ADNP: variants seen among roughly 807,000 people sequenced by gnomAD.
ADNP encodes activity dependent neuroprotector homeobox, also known as activity-dependent neuroprotector homeobox protein.
ADNP carries 4 observed loss-of-function variants against 84.9 expected under a neutral mutation model. The ratio of observed to expected loss-of-function variants is 0.05; its 90% CI spans 0.02 to 0.11. The LOEUF (loss-of-function observed/expected upper bound fraction) is 0.11. Ranked by LOEUF, ADNP falls within the 10% of genes least tolerant of loss-of-function variation. The pLI is 1.00. For synonymous variants in ADNP, 554 were observed against 468.1 expected (o/e 1.18, Z -2.37); for missense variants, 1,132 against 1,326.0 (o/e 0.85, Z 2.27).
chr20:50,909,835 CG>C (rs762601474), intron 2 of ADNP: 6 of 152,170 alleles, frequency 3.9e-5, no homozygotes, highest in Non-Finnish European at 8.8e-5. Flanking sequence ...ACATGTCCCC[CG>C]AACAGGGATG....
At position 50,926,192 on chromosome 20, in the gene ADNP, T is replaced by C. The variant is rs542346587; in HGVS notation, c.-90+2459A>G. Reference sequence around the variant, plus strand: ...AAGTCAAGCTCTGTGAATCCAACTATAATTAAATTATTTACACATAGGGGA... The same window carrying C: ...AAGTCAAGCTCTGTGAATCCAACTACAATTAAATTATTTACACATAGGGGA... On this transcript the variant is annotated intron_variant, in intron 2 of 5. Coordinates refer to ENST00000621696, the MANE Select transcript of ADNP (RefSeq NM_001282531.3). Among the ~76,000 whole-genome samples, 5 of 152,362 alleles carry C rather than the reference T, an allele frequency of 3.3e-5. No homozygotes were observed. In the East Asian group the frequency reaches 5.8e-4, roughly 18 times the overall value.
At chr20:50,897,066 T>C (rs1190876006) in intron 5 of ADNP, among the ~76,000 whole-genome samples, 1 of 152,150 alleles carries the variant, frequency 6.6e-6, no homozygotes, top group East Asian at 1.9e-4. Context: ...CTCAGCCTCG[T>C]GGCTGGGATT....
chr20:50,915,339 C>A (rs1023472752), intron 2 of ADNP, among the ~76,000 whole-genome samples: 2 of 152,164 alleles, frequency 1.3e-5, no homozygotes, highest in Non-Finnish European at 1.5e-5. Flanking sequence ...AAGTAGTGAA[C>A]ATACTTTATT....
chr20:50,899,943 G>A (rs1220833645), intron 5 of ADNP, among the ~76,000 whole-genome samples: 4 of 150,654 alleles, frequency 2.7e-5, no homozygotes, highest in Non-Finnish European at 4.4e-5. Context: ...CCGCAGTGTG[G>A]AAGGGGACCC....
At chr20:50,900,330 G>T (rs1168059079) in intron 5 of ADNP, among the ~76,000 whole-genome samples, 1 of 152,172 alleles carries the variant, frequency 6.6e-6, no homozygotes, top group East Asian at 1.9e-4. Context: ...TAGCGTAGGG[G>T]TAATAGGAGG....
At chr20:50,925,291 CT>C (rs1278781988) in intron 2 of ADNP, among the ~76,000 whole-genome samples, 2 of 150,114 alleles carry the variant, frequency 1.3e-5, no homozygotes, top group African/African-American at 5.0e-5. Flanking sequence ...CACACACACA[CT>C]ACATAATCAA....
At chr20:50,912,973 T>C (rs1983181199) in intron 2 of ADNP, among the ~76,000 whole-genome samples, 1 of 151,956 alleles carries the variant, frequency 6.6e-6, no homozygotes, top group Non-Finnish European at 1.5e-5. Context: ...GCTGTCAGGA[T>C]GGGCGCCATG....
chr20:50,891,040 G>T lies in ADNP; in HGVS notation c.*365C>A. The T allele has an allele frequency of 9.6e-7, 1 of 1,045,320 alleles. No homozygotes were observed. The highest frequency in any genetic ancestry group is 1.2e-6 in the Non-Finnish European group (1 of 869,474). 64.8% of individuals were successfully genotyped at this position (1,045,320 alleles called of 1,614,324 possible). A position where few individuals can be genotyped will look rare whatever the true frequency, so the allele number is the denominator to read the frequency against. ...CATTAGACTGGTAGCTTGTATGTTG[G>T]CCCTACACTACCATGTGAATTAGTT... On this transcript the variant is annotated 3_prime_UTR_variant, in exon 6 of 6. Coordinates refer to ENST00000621696, the MANE Select transcript of ADNP (RefSeq NM_001282531.3).
chr20:50,929,679 G>A (rs1426391631), intron 1 of ADNP, among the ~76,000 whole-genome samples: 2 of 152,016 alleles, frequency 1.3e-5, no homozygotes, highest in Non-Finnish European at 2.9e-5. Context: ...AAGCAACAAT[G>A]CAGATTTCTA....
chr20:50,905,344 G>C (rs1365837317), intron 2 of ADNP: 1 of 152,060 alleles, frequency 6.6e-6, no homozygotes, highest in Non-Finnish European at 1.5e-5. Flanking sequence ...CAAAGCACCA[G>C]GAATTAAAAT....
chr20:50,929,023 A>G (rs1479645171), intron 1 of ADNP, among the ~76,000 whole-genome samples, 198 bp from the exon 2 acceptor site: 2 of 152,250 alleles, frequency 1.3e-5, no homozygotes, highest in South Asian at 2.1e-4. Context: ...AGAACCCAAC[A>G]TGGGCTTGAT....
chr20:50,904,405 A>G (rs182981145), intron 3 of ADNP: 3 of 167,556 alleles, frequency 1.8e-5, no homozygotes, highest in East Asian at 3.4e-4. Flanking sequence ...TTTTGTAGAG[A>G]CTAGGTCTCA....
chr20:50,915,936 A>G (rs1209242768), intron 2 of ADNP, among the ~76,000 whole-genome samples: 3 of 152,224 alleles, frequency 2.0e-5, no homozygotes. Flanking sequence ...CTCTTAATAA[A>G]GATAAGCAGG....
At chr20:50,911,300 A>G (rs1983004816) in intron 2 of ADNP, among the ~76,000 whole-genome samples, 1 of 152,130 alleles carries the variant, frequency 6.6e-6, no homozygotes, top group Non-Finnish European at 1.5e-5. Flanking sequence ...AATGTCCATG[A>G]GAGTTTCCCC....
rs1417743639 is a variant in ADNP, at chr20:50,931,263, G to GGGC, written c.-703_-702insGCC. The GGGC allele has an allele frequency of 6.4e-5, 6 of 93,050 alleles. No homozygotes were observed. The highest frequency in any genetic ancestry group is 9.1e-5 in the Non-Finnish European group (4 of 43,836). 5.8% of individuals were successfully genotyped at this position (93,050 alleles called of 1,614,324 possible). A position where few individuals can be genotyped will look rare whatever the true frequency, so the allele number is the denominator to read the frequency against. On this transcript the variant is annotated 5_prime_UTR_variant, in exon 1 of 6. Transcript: ENST00000621696. ...GATGGCGGCGGCCGGGGGGGGGGGGGCGGGAGTTCAGCTCATGGATCCCGG... is the reference window on the plus strand; with the variant it reads ...GATGGCGGCGGCCGGGGGGGGGGGGGGGCCGGGAGTTCAGCTCATGGATCCCGG...
At chr20:50,895,217 ATCC>A in intron 5 of ADNP, among the ~76,000 whole-genome samples, 1 of 152,322 alleles carries the variant, frequency 6.6e-6, no homozygotes, top group African/African-American at 2.4e-5. Flanking sequence ...ATGGTGTGAA[ATCC>A]TCAAGTGTGT....
Position 50,893,606 on chromosome 20 carries a change from G to C in ADNP, c.1108C>G (p.Leu370Val), listed in dbSNP as rs749861265. 21 of 1,614,068 alleles carry C rather than the reference G, an allele frequency of 1.3e-5. No homozygotes were observed. Among genetic ancestry groups the C allele is most frequent in the Middle Eastern group, 1.6e-4 (1 of 6,084 alleles). ...TAAGACCTTCCGTTTCCACTTGGAA[G>C]TAACTGCTTTACAGACTGAGATTGT... ...PQQSQSVKQL[L>V]PSGNGRSYGL... The change falls in exon 6 of 6, where the codon CTT (leucine) becomes GTT (valine). Residue 370 changes from leucine to valine, a missense_variant. Leu to Val is a conservative substitution (Grantham distance 32). Coordinates refer to ENST00000621696, the MANE Select transcript of ADNP (RefSeq NM_001282531.3). This position sits in a 1 kb window ranked among gnomAD's most constrained non-coding sequence, Gnocchi z 4.4.
rs773077289 is a variant in ADNP, at chr20:50,913,899, T to C, written c.-89-9050A>G. On this transcript the variant is annotated intron_variant, in intron 2 of 5. Coordinates refer to ENST00000621696, the MANE Select transcript of ADNP (RefSeq NM_001282531.3). ...CATACATACATAAATTATTGAATTT[T>C]TGTTTCAACTTGGAGTGCCAGTGAA... is the stretch of plus-strand genomic sequence containing the variant. 5 of 629,516 alleles carry C rather than the reference T, an allele frequency of 7.9e-6. No homozygotes were observed. In the Admixed American group the frequency reaches 9.0e-5, roughly 11 times the overall value. The allele number at this position is 629,516 out of a possible 1,614,324, so 39.0% of individuals were successfully genotyped here.
intron 2 of ADNP, among the ~76,000 whole-genome samples, chr20:50,920,129 T>C (rs1489380647): frequency 6.7e-6 from 1 of 148,584 alleles, no homozygotes; most frequent in Non-Finnish European, 1.5e-5. Context: ...ATACAAAAAT[T>C]AGCCGGGCGT....
Sources: allele counts gnomAD v4.1 joint callset (sites outside exome capture counted in the v4.1 genomes callset), GRCh38; gene constraint gnomAD v4.1.1; non-coding constraint Gnocchi (gnomAD v3.1); transcripts MANE v1.5; gene names NCBI Gene and HGNC (gene_info 2026-07-23, HGNC 2026-07-21).